PKD2L2: variants seen among roughly 807,000 people sequenced by gnomAD.
PKD2L2 encodes the protein polycystin-2-like protein 2.
A neutral mutation model predicts 83.9 loss-of-function variants in PKD2L2; 67 were observed. That is an observed-to-expected ratio of 0.80 (90% CI 0.66 to 0.98). PKD2L2 has a LOEUF of 0.98. Among genes scored for constraint, PKD2L2 ranks in the 50% least tolerant of loss-of-function variants. The probability of loss-of-function intolerance (pLI) is 0.00; values close to 1 mark genes in which losing one functional copy is unlikely to be tolerated. For missense variants in PKD2L2, 632 were observed against 717.2 expected (o/e 0.88, Z 1.36); for synonymous variants, 223 against 237.8 (o/e 0.94, Z 0.57).
chr5:137,896,787 G>T (rs183973233), intron 4 of PKD2L2, among the ~76,000 whole-genome samples: 2 of 151,986 alleles, frequency 1.3e-5, no homozygotes, highest in East Asian at 1.9e-4. Context: ...CACTCTTCCT[G>T]TTCCTCTTAG....
intron 12 of PKD2L2, among the ~76,000 whole-genome samples, chr5:137,930,854 C>A (rs1759819762): frequency 1.3e-5 from 2 of 150,400 alleles, no homozygotes; most frequent in South Asian, 4.2e-4. Context: ...ATGATAAATA[C>A]CAAGAAAAAA....
At chr5:137,925,577 C>T (rs961593376) in intron 11 of PKD2L2, among the ~76,000 whole-genome samples, 1 of 152,232 alleles carries the variant, frequency 6.6e-6, no homozygotes, top group African/African-American at 2.4e-5. Context: ...CATTTACACA[C>T]AATACTTACG....
intron 12 of PKD2L2, among the ~76,000 whole-genome samples, chr5:137,933,314 C>T (rs1163325564): frequency 1.3e-5 from 2 of 152,096 alleles, no homozygotes; most frequent in African/African-American, 4.8e-5. Flanking sequence ...AATGAAGGTA[C>T]TTTCACCTTC....
intron 8 of PKD2L2, among the ~76,000 whole-genome samples, chr5:137,916,497 T>C (rs1308833457): frequency 6.8e-6 from 1 of 147,106 alleles, no homozygotes. Context: ...TTTTTTTTTT[T>C]GAGACAGAGT....
At chr5:137,913,075 A>G (rs867763071) in intron 8 of PKD2L2, among the ~76,000 whole-genome samples, 62 of 150,694 alleles carry the variant, frequency 4.1e-4, no homozygotes, top group African/African-American at 1.2e-3. Context: ...GGGTTTCACC[A>G]TGTTGGCCAG....
At chr5:137,934,048 G>A (rs908803811) in intron 12 of PKD2L2, among the ~76,000 whole-genome samples, 1 of 152,108 alleles carries the variant, frequency 6.6e-6, no homozygotes, top group Admixed American at 6.5e-5. Context: ...AATCACTTAG[G>A]TAATTTAAAA....
At chr5:137,900,452 C>T (rs1385810186) in intron 5 of PKD2L2, among the ~76,000 whole-genome samples, 4 of 152,188 alleles carry the variant, frequency 2.6e-5, no homozygotes, top group Non-Finnish European at 5.9e-5. Flanking sequence ...AGAGAAATAT[C>T]ATGACATTGA....
chr5:137,913,165 G>T (rs1215833174), intron 8 of PKD2L2, among the ~76,000 whole-genome samples: 3 of 147,618 alleles, frequency 2.0e-5, no homozygotes, highest in African/African-American at 7.5e-5. Context: ...GTGAGCCACC[G>T]CGCCCAGCCT....
At chr5:137,895,288 T>G (rs1561674978) in intron 4 of PKD2L2, among the ~76,000 whole-genome samples, 1 of 151,920 alleles carries the variant, frequency 6.6e-6, no homozygotes, top group Non-Finnish European at 1.5e-5. Flanking sequence ...GGCAACATAC[T>G]GAGACCTAGT....
intron 8 of PKD2L2, among the ~76,000 whole-genome samples, chr5:137,910,258 T>G (rs1428608409): frequency 6.8e-6 from 1 of 146,910 alleles, no homozygotes; most frequent in East Asian, 2.0e-4. Flanking sequence ...ATAATAATAA[T>G]AATAATAATA....
intron 2 of PKD2L2, among the ~76,000 whole-genome samples, chr5:137,891,198 G>A (rs1755949235): frequency 6.6e-6 from 1 of 152,198 alleles, no homozygotes. Context: ...AAGCTCACTG[G>A]CAGTATTGTC....
rs138102785 is a variant in PKD2L2, at chr5:137,940,294, C to T, written c.*18-2090C>T. On this transcript the variant is annotated intron_variant, in intron 14 of 14. Transcript: ENST00000508883. ...GAAGCCTAAGCTTGGCTTTAATTTT[C>T]TTGTACTCTCTGTACTCCTCAAGCA... The T allele has an allele frequency of 1.1e-5, 17 of 1,611,320 alleles. No homozygotes were observed. In the African/African-American group the frequency reaches 1.6e-4, roughly 15 times the overall value.
intron 13 of PKD2L2, 138 bp from the exon 14 acceptor site, chr5:137,936,182 G>A (rs1760354909): frequency 1.4e-6 from 1 of 704,874 alleles, no homozygotes; most frequent in South Asian, 1.9e-5. Flanking sequence ...TAGAATATTA[G>A]ATCTATAACT....
intron 1 of PKD2L2, 75 bp downstream of exon 1, chr5:137,889,597 G>A (rs1214439442): frequency 7.5e-7 from 1 of 1,333,036 alleles, no homozygotes; most frequent in African/African-American, 1.5e-5. Flanking sequence ...GGAACTCTGC[G>A]GCCCCAAATT....
At chr5:137,900,849 C>A (rs1756892761) in intron 5 of PKD2L2, among the ~76,000 whole-genome samples, 1 of 152,080 alleles carries the variant, frequency 6.6e-6, no homozygotes. Flanking sequence ...TTTTAAAAAG[C>A]AAAGTCAGCC....
At chr5:137,907,994 A>G in intron 7 of PKD2L2, 82 bp downstream of exon 7, 1 of 671,884 alleles carries the variant, frequency 1.5e-6, no homozygotes, top group East Asian at 3.1e-5. Context: ...ATGGGGAAAA[A>G]AGATTTTTTC....
intron 5 of PKD2L2, 37 bp downstream of exon 5, chr5:137,899,774 C>A: frequency 8.4e-7 from 1 of 1,183,884 alleles, no homozygotes; most frequent in South Asian, 1.3e-5. Flanking sequence ...AGACAGTGGT[C>A]AATGGCCTAC....
intron 5 of PKD2L2, among the ~76,000 whole-genome samples, chr5:137,901,109 C>CTGGA (rs1756915884): frequency 6.7e-6 from 1 of 150,260 alleles, no homozygotes; most frequent in Admixed American, 6.6e-5. Context: ...GCACTTCAGC[C>CTGGA]TGGACAACAA....
In PKD2L2 at chr5:137,894,447, A is replaced by G. The variant is rs765920473; in HGVS notation, c.362A>G (p.Tyr121Cys). Residue 121 changes from tyrosine to cysteine, a missense_variant, in exon 4 of 15, where the codon TAT becomes TGT. Coordinates refer to ENST00000508883, the MANE Select transcript of PKD2L2 (RefSeq NM_001300921.2). ...TTAAAGAACAGCAGTCGCATCTACT[A>G]TGAAAATATACTTCTAGGAGTTCCC... is the stretch of plus-strand genomic sequence containing the variant. Reference protein sequence around the residue: ...YNLKNSSRIYYENILLGVPRV... With the variant: ...YNLKNSSRIYCENILLGVPRV... 6 of 1,613,614 alleles carry G rather than the reference A, an allele frequency of 3.7e-6. No individual in the cohort carries two copies. The South Asian group carries it at 6.6e-5, about 18-fold the overall frequency.
Sources: allele counts gnomAD v4.1 joint callset (sites outside exome capture counted in the v4.1 genomes callset), GRCh38; gene constraint gnomAD v4.1.1; transcripts MANE v1.5; gene names NCBI Gene and HGNC (gene_info 2026-07-23, HGNC 2026-07-21).